Variants in BAG5 observed in about 807,000 individuals in gnomAD.
The protein encoded by BAG5 is BAG cochaperone 5.
BAG5 carries 25 observed loss-of-function variants against 31.8 expected under a neutral mutation model. The observed-to-expected ratio is 0.79, with a 90% CI of 0.57 to 1.10. BAG5 has a LOEUF of 1.10. BAG5 is among the 50% of genes least tolerant of loss of function. The probability of loss-of-function intolerance (pLI) is 0.00; values close to 1 mark genes in which losing one functional copy is unlikely to be tolerated. For synonymous variants in BAG5, 208 were observed against 205.0 expected (o/e 1.01, Z -0.13); for missense variants, 491 against 527.9 (o/e 0.93, Z 0.68).
chr14:103,561,342 G>T, intron 1 of BAG5, 150 bp from the exon 2 acceptor site: 7 of 734,490 alleles, frequency 9.5e-6, no homozygotes, highest in Non-Finnish European at 1.3e-5. Context: ...TGGGTCTACA[G>T]TCGTACACCA....
chr14:103,560,330 T>G lies in BAG5; in HGVS notation c.835A>C (p.Ile279Leu), dbSNP rs374522616. ...CTCATTCTCTTGAGGACCTTTTCTA[T>G]TTTTAAAATGGAATGATTCTGTCTC... The part of the protein sequence containing the change: ...DLRQNHSILK[I>L]EKVLKRMREI... Residue 279 changes from isoleucine (I) to leucine (L), a missense_variant, in exon 2 of 2, where the codon ATA (isoleucine) becomes CTA (leucine). Physicochemically the swap from Ile to Leu is conservative, Grantham distance 5. Coordinates refer to ENST00000299204, the MANE Select transcript of BAG5 (RefSeq NM_001015048.3). The G allele has an allele frequency of 6.2e-7, 1 of 1,614,022 alleles. No individual in the cohort carries two copies. The highest frequency in any genetic ancestry group is 8.5e-7 in the Non-Finnish European group (1 of 1,180,040).
rs1257921762 is a variant in BAG5 at position 103,557,245 on chromosome 14, G to A, written c.*2576C>T. 6.6e-6 allele frequency: 1 copy of A among 152,202 alleles called. No homozygotes were observed. The highest frequency in any genetic ancestry group is 1.5e-5 in the Non-Finnish European group (1 of 68,044). 9.4% of individuals were successfully genotyped at this position (152,202 alleles called of 1,614,324 possible). On this transcript the variant is annotated 3_prime_UTR_variant, in exon 2 of 2. Transcript: ENST00000299204. ...GACAAGCCCAGTTTAAGAATTACAT[G>A]CAGTAGCTCATATTAACACAAACAG...
chr14:103,562,056 G>T (rs760319425), intron 1 of BAG5: 1 of 1,279,164 alleles, frequency 7.8e-7, no homozygotes, highest in South Asian at 1.2e-5. Flanking sequence ...AAGGCGGCCC[G>T]AGCTGCTTCC....
chr14:103,562,216 C>T (rs998333761), intron 1 of BAG5: 17 of 583,568 alleles, frequency 2.9e-5, no homozygotes, highest in Non-Finnish European at 5.2e-5. Context: ...GCATGCCTCG[C>T]ACCCCTCCCG....
rs1168947613 is a variant in BAG5, at chr14:103,556,802, AAAAT to A, written c.*3015_*3018del. The A allele has an allele frequency of 1.3e-5, 2 of 152,174 alleles. No individual in the cohort carries two copies. Among genetic ancestry groups the A allele is most frequent in the Middle Eastern group, 3.2e-3 (1 of 316 alleles). 9.4% of individuals were successfully genotyped at this position (152,174 alleles called of 1,614,324 possible). A position where few individuals can be genotyped will look rare whatever the true frequency, so the allele number is the denominator to read the frequency against. On this transcript the variant is annotated 3_prime_UTR_variant, in exon 2 of 2. Transcript: ENST00000299204. The stretch of plus-strand genomic sequence containing the variant: ...AAGGTGAAAAGCTGTGCTCAAAAAA[AAAAT>A]AAAAAAACCCAAAACCTTGCATGCA...
chr14:103,560,528 A>C lies in BAG5; in HGVS notation c.637T>G (p.Cys213Gly). The C allele has an allele frequency of 6.2e-7, 1 of 1,614,058 alleles. No homozygotes were observed. The highest frequency in any genetic ancestry group is 2.2e-5 in the East Asian group (1 of 44,884). Residue 213 changes from cysteine to glycine, a missense_variant, in exon 2 of 2, where the codon TGC becomes GGC. Physicochemically the swap from Cys to Gly is radical, Grantham distance 159. Coordinates refer to ENST00000299204, the MANE Select transcript of BAG5 (RefSeq NM_001015048.3). ...GAGAGCACACAGGATAAGTGCCTGCAGGTCTCATTGTTGTTCACACCCATC... is the reference window on the plus strand; with the variant it reads ...GAGAGCACACAGGATAAGTGCCTGCCGGTCTCATTGTTGTTCACACCCATC... ...LLMGVNNNET[C>G]RHLSCVLSGL...
rs1176193124 is a variant in BAG5, at chr14:103,559,919, C to T, written c.1246G>A (p.Gly416Arg). The stretch of plus-strand genomic sequence containing the variant: ...CTGGCAGCCTTACACTTCTCTTCTC[C>T]CTGCGGATCAACAGCATCCAGGGCT... ...LLALDAVDPQ[G>R]EEKCKAARKQ... The change falls in exon 2 of 2, where the codon GGA (glycine) becomes AGA (arginine). Residue 416 changes from glycine to arginine, a missense_variant. By Grantham distance (125) the Gly-to-Arg change is moderately radical. Transcript: ENST00000299204. 6.2e-7 allele frequency: 1 copy of T among 1,614,234 alleles called. No homozygotes were observed. Among genetic ancestry groups the T allele is most frequent in the Non-Finnish European group, 8.5e-7 (1 of 1,180,046 alleles).
Position 103,561,120 on chromosome 14 carries a change from T to A in BAG5, c.45A>T (p.Glu15Asp). 1.9e-6 allele frequency: 3 copies of A among 1,603,242 alleles called. No individual in the cohort carries two copies. Among genetic ancestry groups the A allele is most frequent in the Non-Finnish European group, 2.5e-6 (3 of 1,179,968 alleles). ...NQHPSISRLQ[E>D]IQKEVKSVEQ... ...CTACACTTTTTACTTCCTTTTGGAT[T>A]TCCTGAAGCCTACTAATAGAAGGAT... The change falls in exon 2 of 2, where the codon GAA becomes GAT. Residue 15 changes from glutamate (E) to aspartate (D), a missense_variant. By Grantham distance (45) the Glu-to-Asp change is conservative (BLOSUM62 2). Coordinates refer to ENST00000299204, the MANE Select transcript of BAG5 (RefSeq NM_001015048.3).
intron 1 of BAG5, chr14:103,562,092 C>T (rs2076081827): frequency 1.1e-5 from 10 of 907,218 alleles, no homozygotes; most frequent in Admixed American, 5.4e-5. Context: ...TCCCTCTTGG[C>T]CCTTTACCCA....
rs2076052567 is a variant in BAG5, at chr14:103,558,794, G to A, written c.*1027C>T. ...CTGCCTAGAAAACCTAGGAAGGCCTGGTCCCTCTGGGTTACTGACAGCGTC... is the reference window on the plus strand; with the variant it reads ...CTGCCTAGAAAACCTAGGAAGGCCTAGTCCCTCTGGGTTACTGACAGCGTC... On this transcript the variant is annotated 3_prime_UTR_variant, in exon 2 of 2. Transcript: ENST00000299204. 6.6e-6 allele frequency: 1 copy of A among 152,228 alleles called. No individual in the cohort carries two copies. Among genetic ancestry groups the A allele is most frequent in the South Asian group, 2.1e-4 (1 of 4,836 alleles). The allele number at this position is 152,228 out of a possible 1,614,324, so 9.4% of individuals were successfully genotyped here.
chr14:103,562,271 G>A (rs1021062301), intron 1 of BAG5: 2 of 459,888 alleles, frequency 4.3e-6, no homozygotes, highest in East Asian at 4.1e-5. Flanking sequence ...GCTACTGGCT[G>A]CAGCAGCCGC....
At position 103,558,527 on chromosome 14, in the gene BAG5, A is replaced by G. The variant is rs544058555; in HGVS notation, c.*1294T>C. 1 of 152,354 alleles carries G rather than the reference A, an allele frequency of 6.6e-6. No individual in the cohort carries two copies. Among genetic ancestry groups the G allele is most frequent in the Admixed American group, 6.5e-5 (1 of 15,302 alleles). 9.4% of individuals were successfully genotyped at this position (152,354 alleles called of 1,614,324 possible). A position where few individuals can be genotyped will look rare whatever the true frequency, so the allele number is the denominator to read the frequency against. ...AGGCACTTCAGAACTTTGGGAAATC[A>G]TTTTGTACCGGATCCTCAGAAAGCA... is the stretch of plus-strand genomic sequence containing the variant. On this transcript the variant is annotated 3_prime_UTR_variant, in exon 2 of 2. Transcript: ENST00000299204.
Position 103,559,564 on chromosome 14 carries a change from G to A in BAG5, c.*257C>T, listed in dbSNP as rs1436414022. On this transcript the variant is annotated 3_prime_UTR_variant, in exon 2 of 2. Transcript: ENST00000299204. The stretch of plus-strand genomic sequence containing the variant: ...AAAAGCTGCCTCTATTTTGTTTTCT[G>A]ATTAAAAACGCAAAAAAAAGGACAA... The A allele has an allele frequency of 5.1e-5, 20 of 391,796 alleles. No homozygotes were observed. The East Asian group carries it at 8.1e-4, about 16-fold the overall frequency. The allele number at this position is 391,796 out of a possible 1,614,324, so 24.3% of individuals were successfully genotyped here. A position where few individuals can be genotyped will look rare whatever the true frequency, so the allele number is the denominator to read the frequency against.
At position 103,560,078 on chromosome 14, in the gene BAG5, G is replaced by A. The variant is rs2076060960; in HGVS notation, c.1087C>T (p.His363Tyr). Residue 363 changes from histidine to tyrosine, a missense_variant, in exon 2 of 2, where the codon CAC becomes TAC. His to Tyr is a moderately conservative substitution (Grantham distance 83). Coordinates refer to ENST00000299204, the MANE Select transcript of BAG5 (RefSeq NM_001015048.3). ...EKRKLFACEE[H>Y]PSHKAVWNVL... The stretch of plus-strand genomic sequence containing the variant: ...TTCCAGACGGCTTTATGGGATGGGT[G>A]CTCCTCACAAGCAAACAGCTTTCTT... 14 of 1,614,052 alleles carry A rather than the reference G, an allele frequency of 8.7e-6. No individual in the cohort carries two copies. In the East Asian group the frequency reaches 2.9e-4, roughly 33 times the overall value.
Position 103,561,884 on chromosome 14 carries a change from T to G in BAG5, c.-28-692A>C. ...CAAAAAAAAACAACCCGCGAAAACG[T>G]GGTAACTATGAATAATTCATTCACT... On this transcript the variant is annotated intron_variant, in intron 1 of 1. Transcript: ENST00000299204. 4.0e-6 allele frequency: 6 copies of G among 1,508,042 alleles called. No homozygotes were observed. In the South Asian group the frequency reaches 5.9e-5, roughly 15 times the overall value. The allele number at this position is 1,508,042 out of a possible 1,614,324, so 93.4% of individuals were successfully genotyped here.
rs756751225 is a variant in BAG5, at chr14:103,558,504, G to C, written c.*1317C>G. 3.3e-5 allele frequency: 5 copies of C among 152,188 alleles called. No homozygotes were observed. Among genetic ancestry groups the C allele is most frequent in the Non-Finnish European group, 7.4e-5 (5 of 68,026 alleles). The allele number at this position is 152,188 out of a possible 1,614,324, so 9.4% of individuals were successfully genotyped here. ...ACACTCGGACCCACATGTTCTCAAG[G>C]CACTTCAGAACTTTGGGAAATCATT... On this transcript the variant is annotated 3_prime_UTR_variant, in exon 2 of 2. Coordinates refer to ENST00000299204, the MANE Select transcript of BAG5 (RefSeq NM_001015048.3).
At position 103,560,936 on chromosome 14, in the gene BAG5, G is replaced by A. The variant is rs371498890; in HGVS notation, c.229C>T (p.Arg77Cys). 3 of 1,614,114 alleles carry A rather than the reference G, an allele frequency of 1.9e-6. No individual in the cohort carries two copies. Among genetic ancestry groups the A allele is most frequent in the East Asian group, 2.2e-5 (1 of 44,888 alleles). ...ARKRAAQETE[R>C]LLKELEQNAN... ...TTCTGCTCCAACTCTTTGAGAAGACGTTCTGTCTCCTGTGCTGCCCGCTTC... is the reference window on the plus strand; with the variant it reads ...TTCTGCTCCAACTCTTTGAGAAGACATTCTGTCTCCTGTGCTGCCCGCTTC... Residue 77 changes from arginine to cysteine, a missense_variant, in exon 2 of 2, where the codon CGT becomes TGT. By Grantham distance (180) the Arg-to-Cys change is radical. Transcript: ENST00000299204.
At chr14:103,561,934 G>C (rs1325897402) in intron 1 of BAG5, 13 of 1,612,660 alleles carry the variant, frequency 8.1e-6, no homozygotes, top group Non-Finnish European at 1.1e-5. Context: ...AGTCCACAAT[G>C]GCCTAATGCA....
At position 103,560,832 on chromosome 14, in the gene BAG5, T is replaced by C; in HGVS notation, c.333A>G (p.Pro111=). ...TTACGCAGTTGCCTCCATTATAAAA[T>C]GGCACAATTTTCTCTCTCACGAGGG... ...AQSLVREKIV[P]FYNGGNCVTD... Residue 111 remains proline (P), a synonymous_variant, in exon 2 of 2, where the codon CCA becomes CCG. Coordinates refer to ENST00000299204, the MANE Select transcript of BAG5 (RefSeq NM_001015048.3). 3 of 1,614,104 alleles carry C rather than the reference T, an allele frequency of 1.9e-6. No individual in the cohort carries two copies. The highest frequency in any genetic ancestry group is 4.5e-5 in the East Asian group (2 of 44,886).
Sources: allele counts gnomAD v4.1 joint callset, GRCh38; gene constraint gnomAD v4.1.1; transcripts MANE v1.5; gene names NCBI Gene and HGNC (gene_info 2026-07-23, HGNC 2026-07-21).